Variants in ATE1 observed in about 807,000 individuals in gnomAD.
The protein encoded by ATE1 is arginyltransferase 1.
A neutral mutation model predicts 70.5 loss-of-function variants in ATE1; 36 were observed. That is an observed-to-expected ratio of 0.51 (90% CI 0.39 to 0.67). The LOEUF (loss-of-function observed/expected upper bound fraction) is 0.67, where lower values mean the gene tolerates loss of function less well. Among genes scored for constraint, ATE1 ranks in the 30% least tolerant of loss-of-function variants. ATE1 has a pLI of 0.00. For synonymous variants in ATE1, 232 were observed against 219.3 expected (o/e 1.06, Z -0.51); for missense variants, 593 against 629.5 (o/e 0.94, Z 0.62).
chr10:121,845,393 A>C (rs964059321), intron 8 of ATE1, among the ~76,000 whole-genome samples: 3 of 152,208 alleles, frequency 2.0e-5, no homozygotes, highest in African/African-American at 7.2e-5. Context: ...ATGAACTGTA[A>C]TGCATACAAA....
At chr10:121,783,081 TTC>T (rs1301220377) in intron 11 of ATE1, among the ~76,000 whole-genome samples, 3 of 152,212 alleles carry the variant, frequency 2.0e-5, no homozygotes, top group Admixed American at 6.5e-5. Flanking sequence ...TACAATTTCT[TTC>T]TTTCTTTTTA....
chr10:121,766,763 T>C (rs893347431), intron 11 of ATE1, among the ~76,000 whole-genome samples: 2 of 152,092 alleles, frequency 1.3e-5, no homozygotes, highest in Non-Finnish European at 2.9e-5. Context: ...ACAAGTGCCC[T>C]ATAAAGACTG....
At chr10:121,875,297 G>GGT (rs1950009905) in intron 7 of ATE1, among the ~76,000 whole-genome samples, 1 of 106,880 alleles carries the variant, frequency 9.4e-6, no homozygotes, top group African/African-American at 3.5e-5. Context: ...GTTTTTTTTT[G>GGT]GTTTTTTTTT....
intron 8 of ATE1, among the ~76,000 whole-genome samples, chr10:121,851,778 C>T (rs1216612703): frequency 6.6e-6 from 1 of 152,100 alleles, no homozygotes; most frequent in Non-Finnish European, 1.5e-5. Flanking sequence ...TAACTAATTC[C>T]TCAATTTCAA....
chr10:121,851,006 G>C (rs1381476166), intron 8 of ATE1, among the ~76,000 whole-genome samples: 1 of 141,626 alleles, frequency 7.1e-6, no homozygotes, highest in East Asian at 2.1e-4. Flanking sequence ...CAGGAGAATG[G>C]CGTGAACCTG....
At chr10:121,815,164 G>A (rs1947486021) in intron 10 of ATE1, among the ~76,000 whole-genome samples, 1 of 152,226 alleles carries the variant, frequency 6.6e-6, no homozygotes, top group African/African-American at 2.4e-5. Flanking sequence ...TTGAGACGGA[G>A]TCTCGCTGTC....
At chr10:121,847,925 G>T (rs780147813) in intron 8 of ATE1, among the ~76,000 whole-genome samples, 4 of 151,798 alleles carry the variant, frequency 2.6e-5, no homozygotes, top group Admixed American at 6.6e-5. Context: ...CAAAAAATTA[G>T]CCAGGTGTGG....
intron 8 of ATE1, among the ~76,000 whole-genome samples, chr10:121,864,414 G>A (rs10788218): frequency 0.31 from 47,478 of 152,132 alleles, 8,361 homozygotes; most frequent in Middle Eastern, 0.42. Flanking sequence ...AGCAATGCTC[G>A]CTCACTCGCT....
intron 5 of ATE1, among the ~76,000 whole-genome samples, chr10:121,910,345 C>G (rs1371660784): frequency 6.6e-6 from 1 of 152,130 alleles, no homozygotes; most frequent in East Asian, 1.9e-4. Flanking sequence ...GAGTCATATA[C>G]ACACATATTA....
intron 10 of ATE1, among the ~76,000 whole-genome samples, chr10:121,800,258 CA>C (rs1308242861): frequency 1.3e-5 from 2 of 151,606 alleles, no homozygotes; most frequent in South Asian, 2.1e-4. Flanking sequence ...TTTTCTCAGA[CA>C]AAAAAAATCA....
At chr10:121,923,041 A>T (rs1951943162) in intron 2 of ATE1, among the ~76,000 whole-genome samples, 1 of 152,178 alleles carries the variant, frequency 6.6e-6, no homozygotes, top group Non-Finnish European at 1.5e-5. Flanking sequence ...ACATCTGGAT[A>T]GCGCAATAAC....
At chr10:121,780,165 C>T (rs1945921958) in intron 11 of ATE1, among the ~76,000 whole-genome samples, 1 of 152,160 alleles carries the variant, frequency 6.6e-6, no homozygotes, top group South Asian at 2.1e-4. Context: ...ACATCTCTAC[C>T]AGATGTCTCA....
intron 7 of ATE1, among the ~76,000 whole-genome samples, chr10:121,893,464 C>T (rs753487928): frequency 8.6e-5 from 13 of 151,688 alleles, no homozygotes; most frequent in Non-Finnish European, 1.8e-4. Flanking sequence ...AACTGGTTAA[C>T]GTAAGAAATT....
chr10:121,920,588 T>C (rs1951842038), intron 3 of ATE1, among the ~76,000 whole-genome samples: 1 of 152,022 alleles, frequency 6.6e-6, no homozygotes, highest in Admixed American at 6.6e-5. Context: ...AGAGAAGATT[T>C]TTCTATGTTA....
At chr10:121,764,728 A>G (rs1945204008) in intron 11 of ATE1, among the ~76,000 whole-genome samples, 1 of 152,190 alleles carries the variant, frequency 6.6e-6, no homozygotes, top group African/African-American at 2.4e-5. Context: ...TGCTTTGCTG[A>G]AGGCGACTCT....
intron 11 of ATE1, among the ~76,000 whole-genome samples, chr10:121,773,751 T>A (rs951478047): frequency 5.9e-5 from 9 of 152,216 alleles, no homozygotes; most frequent in Non-Finnish European, 1.3e-4. Context: ...AATATTTTTT[T>A]AAAATACCAA....
chr10:121,766,852 G>A (rs1380407193), intron 11 of ATE1, among the ~76,000 whole-genome samples: 1 of 152,104 alleles, frequency 6.6e-6, no homozygotes, highest in Non-Finnish European at 1.5e-5. Context: ...TCCACCACTC[G>A]TTCATGCTCC....
At chr10:121,793,690 C>T (rs1005268778) in intron 10 of ATE1, among the ~76,000 whole-genome samples, 1 of 152,216 alleles carries the variant, frequency 6.6e-6, no homozygotes, top group East Asian at 1.9e-4. Flanking sequence ...CCTTATTAAA[C>T]AATTCTTTAT....
chr10:121,843,006 G>A (rs1306342531), intron 8 of ATE1, among the ~76,000 whole-genome samples: 1 of 152,132 alleles, frequency 6.6e-6, no homozygotes, highest in African/African-American at 2.4e-5. Context: ...AATAAAAGGT[G>A]TATAGACTGG....
Sources: gnomAD v4.1 joint callset for allele counts (sites outside exome capture counted in the v4.1 genomes callset) on GRCh38, gnomAD v4.1.1 for gene constraint, MANE v1.5 for transcripts, NCBI Gene and HGNC (gene_info 2026-07-23, HGNC 2026-07-21) for gene names.